PIK3C3: variants seen among roughly 807,000 people sequenced by gnomAD.
PIK3C3 encodes the protein phosphatidylinositol 3-kinase catalytic subunit type 3, also known as PI3-kinase type 3.
In PIK3C3, 95 loss-of-function variants were observed where a neutral mutation model predicts 126.1. That is an observed-to-expected ratio of 0.75 (90% CI 0.64 to 0.89). The LOEUF (loss-of-function observed/expected upper bound fraction) is 0.89, where lower values mean the gene tolerates loss of function less well. Ranked by LOEUF, PIK3C3 falls within the 40% of genes least tolerant of loss-of-function variation. The pLI, the probability that PIK3C3 is intolerant of heterozygous loss-of-function variation, is 0.00. For synonymous variants in PIK3C3, 374 were observed against 360.0 expected, an observed-to-expected ratio of 1.04 and a Z score of -0.44; for missense variants, 829 against 1,063.2, an observed-to-expected ratio of 0.78 and a Z score of 3.06.
chr18:42,004,607 G>C, intron 10 of PIK3C3, 66 bp downstream of exon 10: 1 of 1,198,586 alleles, frequency 8.3e-7, no homozygotes, highest in Non-Finnish European at 1.2e-6. Flanking sequence ...TATAAACTAT[G>C]TGTGTATGTG....
Position 42,079,585 on chromosome 18 carries a change from AAAAC to A in PIK3C3, c.2650-1534_2650-1531del, listed in dbSNP as rs887984401. Among the ~76,000 whole-genome samples, 14 of 152,006 alleles carry A rather than the reference AAAAC, an allele frequency of 9.2e-5. No homozygotes were observed. The East Asian group carries it at 1.2e-3, about 13-fold the overall frequency. On this transcript the variant is annotated intron_variant, in intron 24 of 24. Coordinates refer to ENST00000262039, the MANE Select transcript of PIK3C3 (RefSeq NM_002647.4). ...CCACAGGCTTTCAATTTGTTAAAAA[AAAAC>A]AAAACAAAACAGTATCTGTGAGGTG...
intron 3 of PIK3C3, among the ~76,000 whole-genome samples, chr18:41,962,870 T>C (rs1423255374): frequency 1.3e-5 from 2 of 152,182 alleles, no homozygotes; most frequent in African/African-American, 2.4e-5. Flanking sequence ...TGATTTCTAG[T>C]AGAAAATAGA....
At chr18:41,975,031 T>A (rs1167795199) in intron 4 of PIK3C3, among the ~76,000 whole-genome samples, 1 of 152,202 alleles carries the variant, frequency 6.6e-6, no homozygotes, top group African/African-American at 2.4e-5. Context: ...TGCTTTGTAC[T>A]CTGTGTGACA....
chr18:42,027,480 C>T lies in PIK3C3; in HGVS notation c.1522C>T (p.Gln508Ter), dbSNP rs1598909235. 6.2e-7 allele frequency: 1 copy of T among 1,610,046 alleles called. No individual in the cohort carries two copies. The highest frequency in any genetic ancestry group is 8.5e-7 in the Non-Finnish European group (1 of 1,176,850). ...IVECEDQDTQ[Q>*]RDPKTHEMYL... ...GGAATGTGAAGATCAAGATACTCAGCAGAGAGATCCAAAGACCCATGAGAT... is the reference window on the plus strand; with the variant it reads ...GGAATGTGAAGATCAAGATACTCAGTAGAGAGATCCAAAGACCCATGAGAT... The change falls in exon 14 of 25, where the codon CAG becomes TAG. Residue 508 changes from glutamine to a stop codon, truncating the protein, a stop_gained. Transcript: ENST00000262039. LOFTEE classifies it high-confidence loss of function.
chr18:42,052,793 G>A (rs938143403), intron 21 of PIK3C3: 13 of 152,158 alleles, frequency 8.5e-5, no homozygotes, highest in African/African-American at 3.1e-4. Flanking sequence ...TGCCTCGACT[G>A]TCATGAAGAC....
intron 22 of PIK3C3, among the ~76,000 whole-genome samples, chr18:42,063,817 A>G (rs915650637): frequency 1.3e-5 from 2 of 152,228 alleles, no homozygotes; most frequent in African/African-American, 4.8e-5. Context: ...CCCATCCCCT[A>G]GAGAAGACAG....
intron 2 of PIK3C3, among the ~76,000 whole-genome samples, chr18:41,958,383 T>TG (rs1979900457): frequency 6.6e-6 from 1 of 152,074 alleles, no homozygotes; most frequent in African/African-American, 2.4e-5. Flanking sequence ...GATCAGCGAG[T>TG]GTTATTCAGC....
intron 4 of PIK3C3, among the ~76,000 whole-genome samples, chr18:41,982,515 T>C (rs1217399990): frequency 2.0e-5 from 3 of 152,242 alleles, no homozygotes; most frequent in Non-Finnish European, 4.4e-5. Context: ...TTTAGCATTA[T>C]CTTTATAAAG....
Position 42,028,310 on chromosome 18 carries a change from A to G in PIK3C3, c.1590+762A>G, listed in dbSNP as rs764003921. Among the ~76,000 whole-genome samples the G allele has an allele frequency of 2.0e-5, 3 of 152,282 alleles. No individual in the cohort carries two copies. The South Asian group carries it at 6.2e-4, about 32-fold the overall frequency. On this transcript the variant is annotated intron_variant, in intron 14 of 24. Coordinates refer to ENST00000262039, the MANE Select transcript of PIK3C3 (RefSeq NM_002647.4). ...TATGTACATTTCCAGAAATCTGGCA[A>G]TGGTCATATTGCAGATTCTTTTTAT...
intron 4 of PIK3C3, among the ~76,000 whole-genome samples, chr18:41,986,937 T>C (rs1981509788): frequency 6.6e-6 from 1 of 152,046 alleles, no homozygotes; most frequent in Non-Finnish European, 1.5e-5. Flanking sequence ...GAAAGAAGAT[T>C]GATAGTGAAG....
chr18:42,068,945 G>A (rs577003717), intron 24 of PIK3C3, among the ~76,000 whole-genome samples: 5 of 115,612 alleles, frequency 4.3e-5, no homozygotes, highest in East Asian at 2.6e-4. Context: ...GCGAGACTCC[G>A]TCTCAAAAAA....
chr18:41,996,967 G>A (rs1371701964), intron 9 of PIK3C3, among the ~76,000 whole-genome samples: 1 of 152,066 alleles, frequency 6.6e-6, no homozygotes, highest in Non-Finnish European at 1.5e-5. Flanking sequence ...GAGAGACTTG[G>A]GTTCGTTTTC....
intron 24 of PIK3C3, 146 bp from the exon 25 acceptor site, chr18:42,080,977 A>G: frequency 1.8e-6 from 1 of 553,050 alleles, no homozygotes; most frequent in Non-Finnish European, 3.2e-6. Flanking sequence ...AGTATAGTTA[A>G]TTGCAATCCT....
At chr18:42,007,675 C>G (rs564041362) in intron 10 of PIK3C3, among the ~76,000 whole-genome samples, 4 of 152,198 alleles carry the variant, frequency 2.6e-5, no homozygotes, top group African/African-American at 9.6e-5. Flanking sequence ...AAAACTGTTT[C>G]TGTTACAATA....
chr18:42,020,840 C>G, intron 13 of PIK3C3, 135 bp downstream of exon 13: 1 of 568,624 alleles, frequency 1.8e-6, no homozygotes, highest in Non-Finnish European at 3.1e-6. Context: ...TTATATCTAA[C>G]TGTATTCCCT....
chr18:42,014,442 C>T (rs555833711), intron 11 of PIK3C3, among the ~76,000 whole-genome samples: 10 of 152,242 alleles, frequency 6.6e-5, no homozygotes, highest in African/African-American at 2.2e-4. Flanking sequence ...CACACATTAT[C>T]GTGTTACAAC....
chr18:41,996,711 A>G lies in PIK3C3; in HGVS notation c.965A>G (p.Tyr322Cys). ...EQDLVWKFRY[Y>C]LTNQEKALTK... is the part of the protein sequence containing the mutation. ...GATCTTGTTTGGAAGTTTAGATATT[A>G]TCTTACGAATCAAGAAAAAGTGAGT... Residue 322 changes from tyrosine (Y) to cysteine (C), a missense_variant, in exon 9 of 25, where the codon TAT (tyrosine) becomes TGT (cysteine). Physicochemically the swap from Tyr to Cys is radical, Grantham distance 194. Coordinates refer to ENST00000262039, the MANE Select transcript of PIK3C3 (RefSeq NM_002647.4). 6.4e-7 allele frequency: 1 copy of G among 1,553,916 alleles called. No individual in the cohort carries two copies. Among genetic ancestry groups the G allele is most frequent in the Non-Finnish European group, 8.8e-7 (1 of 1,138,670 alleles).
At chr18:42,061,776 A>G (rs1347881410) in intron 22 of PIK3C3, among the ~76,000 whole-genome samples, 1 of 152,222 alleles carries the variant, frequency 6.6e-6, no homozygotes. Flanking sequence ...TCTAACCTTT[A>G]TATTTATTTC....
At chr18:41,965,703 A>G (rs766392244) in intron 3 of PIK3C3, among the ~76,000 whole-genome samples, 32 of 152,296 alleles carry the variant, frequency 2.1e-4, no homozygotes, top group South Asian at 4.1e-4. Flanking sequence ...ACGTGCATTC[A>G]TGCGTTCCTC....
Sources: allele counts gnomAD v4.1 joint callset (sites outside exome capture counted in the v4.1 genomes callset), GRCh38; gene constraint gnomAD v4.1.1; transcripts MANE v1.5; gene names NCBI Gene and HGNC (gene_info 2026-07-23, HGNC 2026-07-21).